Variants in MPIG6B observed in about 807,000 individuals in gnomAD.
The protein encoded by MPIG6B is megakaryocyte and platelet inhibitory receptor G6b.
Under a neutral mutation model 24.2 loss-of-function variants are expected in MPIG6B, and 22 were observed. The observed-to-expected ratio is 0.91, with a 90% confidence interval of 0.65 to 1.30. MPIG6B has a LOEUF of 1.30. Among genes scored for constraint, MPIG6B ranks in the 50% most tolerant of loss-of-function variants. MPIG6B has a pLI of 0.00. For missense variants in MPIG6B, 301 were observed against 318.5 expected (o/e 0.94, Z 0.42); for synonymous variants, 136 against 142.0 (o/e 0.96, Z 0.30).
rs1055482475 is a variant in MPIG6B, at chr6:31,723,422, G to T, written c.39G>T (p.Ser13=). 1 of 1,612,996 alleles carries T rather than the reference G, an allele frequency of 6.2e-7. No homozygotes were observed. Among genetic ancestry groups the T allele is most frequent in the Non-Finnish European group, 8.5e-7 (1 of 1,179,922 alleles). The change falls in exon 1 of 6, where the codon TCG becomes TCT. Residue 13 remains serine (S), a synonymous_variant. Transcript: ENST00000649779. The surrounding 1 kb of genome is among the most constrained non-coding windows in gnomAD (Gnocchi z 4.3). ...TGCAGCTGCTACCGCTGCTGCTCTC[G>T]AGGGCCCAAGGGAACCCTGGGGGTA... is the stretch of plus-strand genomic sequence containing the variant. The part of the protein sequence containing the change: ...VFLQLLPLLL[S]RAQGNPGASL...
intron 2 of MPIG6B, 77 bp downstream of exon 2, chr6:31,724,063 G>A: frequency 6.3e-7 from 1 of 1,575,444 alleles, no homozygotes; most frequent in Non-Finnish European, 8.7e-7. Context: ...CTTGGCTGGG[G>A]GTTCTTGAGC....
At chr6:31,721,230 G>C (rs1454002337), upstream of MPIG6B, among the ~76,000 whole-genome samples, 1 of 152,118 alleles carries the variant, frequency 6.6e-6, no homozygotes. Context: ...CTAGGTCTTC[G>C]AGAGGACACC....
chr6:31,724,303 C>T (rs1807140476), intron 3 of MPIG6B, 71 bp downstream of exon 3: 5 of 1,282,876 alleles, frequency 3.9e-6, no homozygotes, highest in South Asian at 2.5e-5. Flanking sequence ...CCAGAACCTT[C>T]GCAAAAGAAA....
Position 31,724,701 on chromosome 6 carries a change from C to A in MPIG6B, c.542-64C>A, listed in dbSNP as rs1807177521. ...ACCCCTCAATTCCTGAGTCTGAGCCCTTGCTGGGAGCAGACACGTTGGTCA... is the reference window on the plus strand; with the variant it reads ...ACCCCTCAATTCCTGAGTCTGAGCCATTGCTGGGAGCAGACACGTTGGTCA... On this transcript the variant is annotated intron_variant, in intron 4 of 5. Transcript: ENST00000649779. 3 of 1,609,718 alleles carry A rather than the reference C, an allele frequency of 1.9e-6. No homozygotes were observed. The South Asian group carries it at 3.3e-5, about 18-fold the overall frequency.
chr6:31,723,566 G>T lies in MPIG6B; in HGVS notation c.62-73G>T. Reference sequence around the variant, plus strand: ...TGGCTGGAGTGCAGAACAGAGAAGAGAAAGAGGAGACGGGATGGAGGGTCG... The same window carrying T: ...TGGCTGGAGTGCAGAACAGAGAAGATAAAGAGGAGACGGGATGGAGGGTCG... On this transcript the variant is annotated intron_variant, in intron 1 of 5. Coordinates refer to ENST00000649779, the MANE Select transcript of MPIG6B (RefSeq NM_138272.3). This position sits in a 1 kb window ranked among gnomAD's most constrained non-coding sequence, Gnocchi z 4.3. The T allele has an allele frequency of 7.0e-7, 1 of 1,432,060 alleles. No homozygotes were observed. The highest frequency in any genetic ancestry group is 9.6e-7 in the Non-Finnish European group (1 of 1,045,370). 88.7% of individuals were successfully genotyped at this position (1,432,060 alleles called of 1,614,324 possible). A position where few individuals can be genotyped will look rare whatever the true frequency, so the allele number is the denominator to read the frequency against.
At chr6:31,723,304 G>A, upstream of MPIG6B, 3 of 617,828 alleles carry the variant, frequency 4.9e-6, no homozygotes, top group Middle Eastern at 4.9e-4. This position sits in a 1 kb window ranked among gnomAD's most constrained non-coding sequence, Gnocchi z 4.3. Flanking sequence ...TTCTCCCCAC[G>A]CCTAACTTCC....
In MPIG6B at chr6:31,723,864, T is replaced by G. The variant is rs1807063399; in HGVS notation, c.287T>G (p.Leu96Arg). 6.2e-7 allele frequency: 1 copy of G among 1,611,714 alleles called. No individual in the cohort carries two copies. Among genetic ancestry groups the G allele is most frequent in the Non-Finnish European group, 8.5e-7 (1 of 1,178,924 alleles). ...GACTCTGGTATCCGGCGGCTGGAGC[T>G]CCTCTTGAGCGCGGGGGACTCGGGC... The part of the protein sequence containing the change: ...SLDSGIRRLE[L>R]LLSAGDSGTF... The change falls in exon 2 of 6, where the codon CTC becomes CGC. Residue 96 changes from leucine to arginine, a missense_variant. Coordinates refer to ENST00000649779, the MANE Select transcript of MPIG6B (RefSeq NM_138272.3). The surrounding 1 kb of genome is among the most constrained non-coding windows in gnomAD (Gnocchi z 4.3).
chr6:31,723,969 C>T lies in MPIG6B; in HGVS notation c.392C>T (p.Ala131Val), dbSNP rs769843224. ...CTGGGGGACAGGACCTATTGCAAGG[C>T]CCCCGGGCCTACCCATGGTAGGTGC... ...HVLGDRTYCKAPGPTHGSVYP... is the reference protein window; with the variant it reads ...HVLGDRTYCKVPGPTHGSVYP... Residue 131 changes from alanine (A) to valine (V), a missense_variant, in exon 2 of 6, where the codon GCC becomes GTC. Physicochemically the swap from Ala to Val is moderately conservative, Grantham distance 64 (BLOSUM62 0). Coordinates refer to ENST00000649779, the MANE Select transcript of MPIG6B (RefSeq NM_138272.3). This position sits in a 1 kb window ranked among gnomAD's most constrained non-coding sequence, Gnocchi z 4.3. 4 of 1,552,096 alleles carry T rather than the reference C, an allele frequency of 2.6e-6. 1 individual carries two copies. Among genetic ancestry groups the T allele is most frequent in the South Asian group, 2.5e-5 (2 of 81,144 alleles).
Position 31,723,506 on chromosome 6 carries a change from C to A in MPIG6B, c.61+62C>A. The A allele has an allele frequency of 6.6e-7, 1 of 1,513,310 alleles. No homozygotes were observed. Among genetic ancestry groups the A allele is most frequent in the Non-Finnish European group, 9.2e-7 (1 of 1,092,870 alleles). 93.7% of individuals were successfully genotyped at this position (1,513,310 alleles called of 1,614,324 possible). Reference sequence around the variant, plus strand: ...GGGGCTGAAGCAAGATAAGGGCCGCCTAGTAGGGTGGGTTGTGTGTGGGAA... The same window carrying A: ...GGGGCTGAAGCAAGATAAGGGCCGCATAGTAGGGTGGGTTGTGTGTGGGAA... On this transcript the variant is annotated intron_variant, in intron 1 of 5. Transcript: ENST00000649779. The surrounding 1 kb of genome is among the most constrained non-coding windows in gnomAD (Gnocchi z 4.3).
chr6:31,721,026 C>G (rs572244036), upstream of MPIG6B: 1 of 152,478 alleles, frequency 6.6e-6, no homozygotes, highest in South Asian at 2.1e-4. Flanking sequence ...AGAAAACGCT[C>G]TGTTTCCATG....
rs1013974013 is a variant in MPIG6B at position 31,724,752 on chromosome 6, C to T, written c.542-13C>T. The T allele has an allele frequency of 6.2e-7, 1 of 1,613,152 alleles. No homozygotes were observed. Among genetic ancestry groups the T allele is most frequent in the Admixed American group, 1.7e-5 (1 of 59,988 alleles). The stretch of plus-strand genomic sequence containing the variant: ...CCTTCTCTCCATCCTTCAGCTCTGT[C>T]CCCCCCACATAGCTCCACTTGTGAA... On this transcript the variant is annotated splice_polypyrimidine_tract_variant and intron_variant, in intron 4 of 5. Transcript: ENST00000649779.
upstream of MPIG6B, among the ~76,000 whole-genome samples, chr6:31,721,390 G>A (rs1156274386): frequency 6.6e-6 from 1 of 152,124 alleles, no homozygotes; most frequent in Non-Finnish European, 1.5e-5. Context: ...AGCCCTGGCA[G>A]GTGAGAGAAA....
In MPIG6B at chr6:31,723,412, TG is replaced by T; in HGVS notation, c.30del (p.Leu11CysfsTer21). The T allele has an allele frequency of 1.2e-6, 2 of 1,612,926 alleles. No individual in the cohort carries two copies. The highest frequency in any genetic ancestry group is 2.2e-5 in the South Asian group (2 of 91,050). On this transcript the variant is annotated frameshift_variant, in exon 1 of 6. Transcript: ENST00000649779. LOFTEE classifies it high-confidence loss of function. This position sits in a 1 kb window ranked among gnomAD's most constrained non-coding sequence, Gnocchi z 4.3. ...GCTGTGTTTCTGCAGCTGCTACCGCTGCTGCTCTCGAGGGCCCAAGGGAACC... is the reference window on the plus strand; with the variant it reads ...GCTGTGTTTCTGCAGCTGCTACCGCTCTGCTCTCGAGGGCCCAAGGGAACC... The part of the protein sequence containing the change: MAVFLQLLP[L>X]LLSRAQGNPG...
In MPIG6B at chr6:31,723,447, A is replaced by T; in HGVS notation, c.61+3A>T. On this transcript the variant is annotated splice_donor_region_variant and intron_variant, in intron 1 of 5. Coordinates refer to ENST00000649779, the MANE Select transcript of MPIG6B (RefSeq NM_138272.3). This position sits in a 1 kb window ranked among gnomAD's most constrained non-coding sequence, Gnocchi z 4.3. ...GAGGGCCCAAGGGAACCCTGGGGGT[A>T]AGCGATCCCTGGGAGAGTTGTGATA... 6.2e-7 allele frequency: 1 copy of T among 1,611,684 alleles called. No homozygotes were observed. The highest frequency in any genetic ancestry group is 8.5e-7 in the Non-Finnish European group (1 of 1,178,632).
rs1390504561 is a variant in MPIG6B, at chr6:31,723,409, C to T, written c.26C>T (p.Pro9Leu). 1 of 1,612,768 alleles carries T rather than the reference C, an allele frequency of 6.2e-7. No individual in the cohort carries two copies. Among genetic ancestry groups the T allele is most frequent in the Non-Finnish European group, 8.5e-7 (1 of 1,179,922 alleles). Residue 9 changes from proline (P) to leucine (L), a missense_variant, in exon 1 of 6, where the codon CCG (proline) becomes CTG (leucine). Physicochemically the swap from Pro to Leu is moderately conservative, Grantham distance 98. Transcript: ENST00000649779. This position sits in a 1 kb window ranked among gnomAD's most constrained non-coding sequence, Gnocchi z 4.3. Reference sequence around the variant, plus strand: ...ATGGCTGTGTTTCTGCAGCTGCTACCGCTGCTGCTCTCGAGGGCCCAAGGG... The same window carrying T: ...ATGGCTGTGTTTCTGCAGCTGCTACTGCTGCTGCTCTCGAGGGCCCAAGGG... MAVFLQLL[P>L]LLLSRAQGNP...
Position 31,725,149 on chromosome 6 carries a change from C to A in MPIG6B, c.*75C>A. 1 of 1,117,836 alleles carries A rather than the reference C, an allele frequency of 8.9e-7. No individual in the cohort carries two copies. The highest frequency in any genetic ancestry group is 1.3e-6 in the Non-Finnish European group (1 of 745,472). 69.2% of individuals were successfully genotyped at this position (1,117,836 alleles called of 1,614,324 possible). Reference sequence around the variant, plus strand: ...ATAATCCCTCTCCCCTCCTTGGTTCCTCACCTGGAAGAGGAAGGCACCATG... The same window carrying A: ...ATAATCCCTCTCCCCTCCTTGGTTCATCACCTGGAAGAGGAAGGCACCATG... On this transcript the variant is annotated 3_prime_UTR_variant, in exon 6 of 6. Coordinates refer to ENST00000649779, the MANE Select transcript of MPIG6B (RefSeq NM_138272.3). The surrounding 1 kb of genome is among the most constrained non-coding windows in gnomAD (Gnocchi z 5.2).
At chr6:31,724,086 T>C (rs1807109696) in intron 2 of MPIG6B, 56 bp from the exon 3 acceptor site, 2 of 1,570,518 alleles carry the variant, frequency 1.3e-6, no homozygotes, top group Non-Finnish European at 1.7e-6. Context: ...GACTGCTGGC[T>C]GTCCCTCGTC....
chr6:31,721,703 C>G (rs1450778015), upstream of MPIG6B: 1 of 1,612,928 alleles, frequency 6.2e-7, no homozygotes, highest in African/African-American at 1.3e-5. Context: ...AGAATGGTGG[C>G]AACCACAGCA....
Position 31,723,517 on chromosome 6 carries a change from G to T in MPIG6B, c.61+73G>T. The T allele has an allele frequency of 6.8e-7, 1 of 1,472,156 alleles. No homozygotes were observed. The highest frequency in any genetic ancestry group is 9.4e-7 in the Non-Finnish European group (1 of 1,059,742). 91.2% of individuals were successfully genotyped at this position (1,472,156 alleles called of 1,614,324 possible). A position where few individuals can be genotyped will look rare whatever the true frequency, so the allele number is the denominator to read the frequency against. On this transcript the variant is annotated intron_variant, in intron 1 of 5. Transcript: ENST00000649779. This position sits in a 1 kb window ranked among gnomAD's most constrained non-coding sequence, Gnocchi z 4.3. ...AAGATAAGGGCCGCCTAGTAGGGTG[G>T]GTTGTGTGTGGGAAGATCCAGGATG...
Sources: allele counts gnomAD v4.1 joint callset (sites outside exome capture counted in the v4.1 genomes callset), GRCh38; gene constraint gnomAD v4.1.1; non-coding constraint Gnocchi (gnomAD v3.1); transcripts MANE v1.5; gene names NCBI Gene and HGNC (gene_info 2026-07-23, HGNC 2026-07-21).